PSD3: variants seen among roughly 807,000 people sequenced by gnomAD.
PSD3 encodes the protein pleckstrin and Sec7 domain containing 3, also known as PH and SEC7 domain-containing protein 3.
Under a neutral mutation model 105.5 loss-of-function variants are expected in PSD3, and 49 were observed. The ratio of observed to expected loss-of-function variants is 0.46; its 90% CI spans 0.37 to 0.59. The LOEUF is 0.59. PSD3 is among the 20% of genes least tolerant of loss of function. PSD3 has a pLI of 0.00. For missense variants in PSD3, 1,561 were observed against 1,263.8 expected (o/e 1.24, Z -3.57); for synonymous variants, 557 against 457.8 (o/e 1.22, Z -2.77).
chr8:18,839,197 T>C (rs958523520), intron 4 of PSD3, among the ~76,000 whole-genome samples: 15 of 152,074 alleles, frequency 9.9e-5, no homozygotes, highest in African/African-American at 3.6e-4. Context: ...ACATACCATT[T>C]ACAAGTGTAA....
intron 14 of PSD3, among the ~76,000 whole-genome samples, chr8:18,564,101 T>C (rs35353901): frequency 0.38 from 57,059 of 150,990 alleles, 10,701 homozygotes; most frequent in East Asian, 0.51. Context: ...AAATTTAAAG[T>C]TTTCTTCTTC....
chr8:18,750,173 A>G (rs943865400), intron 9 of PSD3, among the ~76,000 whole-genome samples: 11 of 152,220 alleles, frequency 7.2e-5, no homozygotes, highest in African/African-American at 2.7e-4. Flanking sequence ...AGTGGGCATT[A>G]GAACTGTGTC....
At chr8:18,713,147 A>C (rs1213817749) in intron 9 of PSD3, among the ~76,000 whole-genome samples, 2 of 152,188 alleles carry the variant, frequency 1.3e-5, no homozygotes, top group African/African-American at 4.8e-5. Flanking sequence ...AAACAATAAA[A>C]GCCATTCATG....
chr8:18,683,156 A>C (rs1383790271), intron 9 of PSD3, among the ~76,000 whole-genome samples: 1 of 152,220 alleles, frequency 6.6e-6, no homozygotes, highest in Non-Finnish European at 1.5e-5. Flanking sequence ...ATTATCTTCA[A>C]GACAGCTGCA....
At chr8:18,751,489 G>A (rs550335260) in intron 9 of PSD3, among the ~76,000 whole-genome samples, 101 of 151,444 alleles carry the variant, frequency 6.7e-4, no homozygotes, top group African/African-American at 2.3e-3. Flanking sequence ...AGCCTAAACC[G>A]AAAACCTGAA....
intron 1 of PSD3, among the ~76,000 whole-genome samples, chr8:19,037,247 C>T (rs1046888992): frequency 5.3e-5 from 8 of 152,182 alleles, no homozygotes; most frequent in African/African-American, 4.8e-5. Flanking sequence ...TGCAAGATGC[C>T]GAGAGCCACC....
intron 7 of PSD3, 77 bp from the exon 8 acceptor site, chr8:18,799,430 T>A: frequency 4.4e-6 from 5 of 1,147,624 alleles, no homozygotes; most frequent in Admixed American, 1.7e-5. Flanking sequence ...ACTAATAGGA[T>A]ACACTCAGAA....
At chr8:18,634,802 T>C (rs1258698667) in intron 10 of PSD3, among the ~76,000 whole-genome samples, 5 of 152,136 alleles carry the variant, frequency 3.3e-5, no homozygotes, top group Non-Finnish European at 5.9e-5. Flanking sequence ...ATACAAGTTT[T>C]ATTACTTGTT....
chr8:18,746,650 A>C (rs1340775923), intron 9 of PSD3, among the ~76,000 whole-genome samples: 1 of 152,218 alleles, frequency 6.6e-6, no homozygotes, highest in Non-Finnish European at 1.5e-5. Flanking sequence ...GTGTTTGTGT[A>C]CTGTTCTTTT....
At chr8:18,659,939 G>C (rs1809219194) in intron 9 of PSD3, among the ~76,000 whole-genome samples, 1 of 152,220 alleles carries the variant, frequency 6.6e-6, no homozygotes, top group African/African-American at 2.4e-5. Flanking sequence ...GGTAGTTAGA[G>C]CTAAGTGGAG....
At chr8:18,745,180 T>A (rs1244493601) in intron 9 of PSD3, among the ~76,000 whole-genome samples, 1 of 152,124 alleles carries the variant, frequency 6.6e-6, no homozygotes, top group Non-Finnish European at 1.5e-5. Flanking sequence ...TGAATAAATA[T>A]CCTGGGAGAG....
At chr8:18,913,917 G>A (rs967759358) in intron 2 of PSD3, among the ~76,000 whole-genome samples, 7 of 152,144 alleles carry the variant, frequency 4.6e-5, no homozygotes, top group South Asian at 4.2e-4. Flanking sequence ...TCAGCACCAG[G>A]CTGGCCCCTG....
intron 14 of PSD3, among the ~76,000 whole-genome samples, chr8:18,561,092 T>C (rs184508328): frequency 1.4e-3 from 206 of 152,332 alleles, no homozygotes; most frequent in African/African-American, 4.6e-3. Flanking sequence ...TCTGAGTATG[T>C]AGCCAAAGAA....
intron 11 of PSD3, among the ~76,000 whole-genome samples, chr8:18,602,629 G>A (rs886181689): frequency 1.3e-5 from 2 of 151,988 alleles, no homozygotes; most frequent in African/African-American, 4.8e-5. Flanking sequence ...AACTCACACC[G>A]TAATGCTAAG....
At chr8:18,712,286 G>C (rs890812521) in intron 9 of PSD3, among the ~76,000 whole-genome samples, 14 of 150,098 alleles carry the variant, frequency 9.3e-5, no homozygotes, top group African/African-American at 3.4e-4. Context: ...GCGCAGAACT[G>C]AAGGAGATAG....
chr8:18,760,289 G>A (rs1806411833), intron 9 of PSD3, among the ~76,000 whole-genome samples: 1 of 151,994 alleles, frequency 6.6e-6, no homozygotes, highest in African/African-American at 2.4e-5. Flanking sequence ...TATTCTCCTA[G>A]TATTTTTCAA....
chr8:18,668,251 T>C (rs1006683166), intron 9 of PSD3, among the ~76,000 whole-genome samples: 5 of 152,248 alleles, frequency 3.3e-5, no homozygotes, highest in African/African-American at 1.2e-4. Flanking sequence ...CCTCTCACTG[T>C]GATTAGAAAT....
At chr8:18,956,488 G>T (rs1444906533) in intron 1 of PSD3, among the ~76,000 whole-genome samples, 4 of 152,148 alleles carry the variant, frequency 2.6e-5, no homozygotes, top group Non-Finnish European at 5.9e-5. Context: ...CCAATGTCAG[G>T]CTCAAGAGTT....
chr8:18,650,219 C>T (rs938308778), intron 10 of PSD3, among the ~76,000 whole-genome samples: 2 of 152,322 alleles, frequency 1.3e-5, no homozygotes, highest in East Asian at 3.9e-4. Context: ...CATGCAGATA[C>T]ATTTTAAACA....
Sources: gnomAD v4.1 joint callset for allele counts (sites outside exome capture counted in the v4.1 genomes callset) on GRCh38, gnomAD v4.1.1 for gene constraint, MANE v1.5 for transcripts, NCBI Gene and HGNC (gene_info 2026-07-23, HGNC 2026-07-21) for gene names.